NVL: variants seen among roughly 807,000 people sequenced by gnomAD.
NVL encodes the protein nuclear VCP like, also known as nuclear valosin-containing protein-like.
In NVL, 84 loss-of-function variants were observed where a neutral mutation model predicts 110.2. The ratio of observed to expected loss-of-function variants is 0.76; its 90% CI spans 0.64 to 0.91. The LOEUF is 0.91. Among genes scored for constraint, NVL ranks in the 40% least tolerant of loss-of-function variants. The pLI is 0.00. For synonymous variants in NVL, 354 were observed against 361.1 expected (o/e 0.98, Z 0.22); for missense variants, 882 against 1,035.9 (o/e 0.85, Z 2.04).
Position 224,231,247 on chromosome 1 carries a change from T to G in NVL, c.2505A>C (p.Val835=). 1 of 1,612,724 alleles carries G rather than the reference T, an allele frequency of 6.2e-7. No individual in the cohort carries two copies. Residue 835 remains valine, a synonymous_variant, in exon 22 of 23, where the codon GTA becomes GTC. Transcript: ENST00000281701. ...HKHFEEAFKK[V]RSSISKKDQI... is the part of the protein sequence containing the mutation. Reference sequence around the variant, plus strand: ...TTACCTTTTTTGATATAGATGATCTTACTTTCTTGAAAGCTTCTTCAAAAT... The same window carrying G: ...TTACCTTTTTTGATATAGATGATCTGACTTTCTTGAAAGCTTCTTCAAAAT...
chr1:224,308,717 A>G (rs1669196337), intron 5 of NVL, among the ~76,000 whole-genome samples: 1 of 147,916 alleles, frequency 6.8e-6, no homozygotes, highest in African/African-American at 2.5e-5. Context: ...AGAAAAGAAT[A>G]TATGGGTGTT....
At chr1:224,294,481 AT>A in intron 11 of NVL, 70 bp from the exon 12 acceptor site, 1 of 1,494,796 alleles carries the variant, frequency 6.7e-7, no homozygotes, top group South Asian at 1.1e-5. Context: ...TTACAGAATC[AT>A]TTCATGGTTA....
chr1:224,283,856 C>T (rs1179607631), intron 15 of NVL, among the ~76,000 whole-genome samples: 13 of 152,002 alleles, frequency 8.6e-5, no homozygotes, highest in Admixed American at 8.5e-4. Flanking sequence ...GAAAGCAATG[C>T]CTTTTAAGAG....
At chr1:224,249,845 C>T (rs903001384) in intron 19 of NVL, among the ~76,000 whole-genome samples, 2 of 152,172 alleles carry the variant, frequency 1.3e-5, no homozygotes, top group Non-Finnish European at 2.9e-5. Flanking sequence ...GCAATCCTTC[C>T]ACCTAAGCCT....
chr1:224,286,567 T>C (rs1666894300), intron 14 of NVL, among the ~76,000 whole-genome samples: 1 of 152,184 alleles, frequency 6.6e-6, no homozygotes, highest in Non-Finnish European at 1.5e-5. Flanking sequence ...CTGGTTTACC[T>C]GTTCATGCTC....
At chr1:224,287,391 A>T (rs2102622581) in intron 14 of NVL, among the ~76,000 whole-genome samples, 1 of 152,314 alleles carries the variant, frequency 6.6e-6, no homozygotes. Context: ...AACAGCTAGA[A>T]GAAAAAAGTA....
chr1:224,253,848 C>A (rs953135028), intron 18 of NVL, among the ~76,000 whole-genome samples: 7 of 152,170 alleles, frequency 4.6e-5, no homozygotes, highest in Admixed American at 1.3e-4. Context: ...CATATCCTTG[C>A]CAACATTTGG....
chr1:224,254,904 GTC>G (rs1276700596), intron 18 of NVL, among the ~76,000 whole-genome samples: 2 of 132,608 alleles, frequency 1.5e-5, no homozygotes, highest in African/African-American at 5.6e-5. Flanking sequence ...TTGAGACGGA[GTC>G]TCTGTCGCCA....
intron 2 of NVL, among the ~76,000 whole-genome samples, chr1:224,320,789 A>G (rs1050578213): frequency 7.2e-5 from 11 of 152,296 alleles, no homozygotes; most frequent in South Asian, 6.2e-4. Flanking sequence ...AGGTACGATG[A>G]CAGACACGTG....
In NVL at chr1:224,294,399, AC is replaced by A; in HGVS notation, c.1192del (p.Val398TrpfsTer8). ...LLTCMDDLNN[V>X]AATARVLVIG... ...AACTAGGACCCGGGCTGTAGCAGCC[AC>A]ATTATTCAGATCTAGTAAGAGACAG... On this transcript the variant is annotated frameshift_variant, in exon 12 of 23. Transcript: ENST00000281701. LOFTEE classifies it high-confidence loss of function. 1 of 1,614,148 alleles carries A rather than the reference AC, an allele frequency of 6.2e-7. No individual in the cohort carries two copies. Among genetic ancestry groups the A allele is most frequent in the Non-Finnish European group, 8.5e-7 (1 of 1,180,034 alleles).
At position 224,294,187 on chromosome 1, in the gene NVL, G is replaced by A. The variant is rs533034710; in HGVS notation, c.1325+80C>T. On this transcript the variant is annotated intron_variant, in intron 12 of 22. Coordinates refer to ENST00000281701, the MANE Select transcript of NVL (RefSeq NM_002533.4). Reference sequence around the variant, plus strand: ...AAGAGAGAGAAAGAAAAGGCTACTTGGTATTTCTCACCTCTTACTTTCAAA... The same window carrying A: ...AAGAGAGAGAAAGAAAAGGCTACTTAGTATTTCTCACCTCTTACTTTCAAA... The A allele has an allele frequency of 3.6e-6, 5 of 1,396,524 alleles. No individual in the cohort carries two copies. In the East Asian group the frequency reaches 9.2e-5, roughly 26 times the overall value. The allele number at this position is 1,396,524 out of a possible 1,614,324, so 86.5% of individuals were successfully genotyped here. A position where few individuals can be genotyped will look rare whatever the true frequency, so the allele number is the denominator to read the frequency against.
intron 19 of NVL, among the ~76,000 whole-genome samples, chr1:224,242,200 T>C (rs965419288): frequency 2.0e-4 from 30 of 152,146 alleles, no homozygotes; most frequent in African/African-American, 7.0e-4. Flanking sequence ...TTTGGGAAGA[T>C]GCAAAAGTTC....
At chr1:224,253,636 G>C (rs1479469798) in intron 18 of NVL, among the ~76,000 whole-genome samples, 1 of 151,108 alleles carries the variant, frequency 6.6e-6, no homozygotes, top group Non-Finnish European at 1.5e-5. Flanking sequence ...AGGAGGCTGA[G>C]GCAGGAGAAT....
chr1:224,234,298 T>TTA, intron 20 of NVL, among the ~76,000 whole-genome samples: 1 of 152,204 alleles, frequency 6.6e-6, no homozygotes, highest in Middle Eastern at 3.4e-3. Flanking sequence ...TTCTTAGAGA[T>TTA]TATATGAGAA....
chr1:224,292,686 G>A (rs1377184855), intron 12 of NVL, among the ~76,000 whole-genome samples: 1 of 151,860 alleles, frequency 6.6e-6, no homozygotes, highest in East Asian at 1.9e-4. Context: ...GCTTATATGT[G>A]CAATTACTCC....
chr1:224,286,452 T>C (rs1652346600), intron 14 of NVL, among the ~76,000 whole-genome samples: 2 of 152,074 alleles, frequency 1.3e-5, no homozygotes, highest in African/African-American at 2.4e-5. Flanking sequence ...GTGATCCACC[T>C]GCCTCAGCCT....
intron 12 of NVL, among the ~76,000 whole-genome samples, chr1:224,293,777 A>G (rs1667602250): frequency 6.6e-6 from 1 of 152,226 alleles, no homozygotes; most frequent in Non-Finnish European, 1.5e-5. Context: ...TGAAAAAACA[A>G]CCTGAAACAA....
At chr1:224,282,274 C>T (rs10733024) in intron 15 of NVL, among the ~76,000 whole-genome samples, 128,247 of 151,890 alleles carry the variant, frequency 0.84, 56,047 homozygotes, top group Non-Finnish European at 0.94. Context: ...TGCCACATTG[C>T]CCAGGCTGAA....
chr1:224,242,687 C>A (rs1050943850), intron 19 of NVL, among the ~76,000 whole-genome samples: 1 of 151,964 alleles, frequency 6.6e-6, no homozygotes, highest in Non-Finnish European at 1.5e-5. Context: ...AAGCTGGTCT[C>A]AAACTCCTGA....
Sources: allele counts gnomAD v4.1 joint callset (sites outside exome capture counted in the v4.1 genomes callset), GRCh38; gene constraint gnomAD v4.1.1; transcripts MANE v1.5; gene names NCBI Gene and HGNC (gene_info 2026-07-23, HGNC 2026-07-21).